PSMA6: variants seen among roughly 807,000 people sequenced by gnomAD.
The protein encoded by PSMA6 is proteasome subunit alpha type-6.
For synonymous variants in PSMA6, 88 were observed against 97.7 expected, an observed-to-expected ratio of 0.90 and a Z score of 0.59; for missense variants, 170 against 294.8, an observed-to-expected ratio of 0.58 and a Z score of 3.10.
At chr14:35,311,743 TGTA>T (rs1291817303) in intron 4 of PSMA6, among the ~76,000 whole-genome samples, 1 of 152,178 alleles carries the variant, frequency 6.6e-6, no homozygotes, top group Non-Finnish European at 1.5e-5. Flanking sequence ...ACATTAGAAT[TGTA>T]GTAACAAAGT....
At chr14:35,315,875 T>G (rs1184023088) in intron 6 of PSMA6, 1 of 152,188 alleles carries the variant, frequency 6.6e-6, no homozygotes, top group Non-Finnish European at 1.5e-5. Context: ...CAAAAAACTT[T>G]GTATCATTTA....
intron 1 of PSMA6, among the ~76,000 whole-genome samples, chr14:35,298,436 G>A (rs1414943700): frequency 6.6e-6 from 1 of 151,900 alleles, no homozygotes; most frequent in African/African-American, 2.4e-5. Flanking sequence ...GTTGTAGTGA[G>A]CTGAGATCGC....
At chr14:35,309,329 G>T (rs182234242) in intron 3 of PSMA6, among the ~76,000 whole-genome samples, 1 of 152,132 alleles carries the variant, frequency 6.6e-6, no homozygotes, top group Admixed American at 6.5e-5. Flanking sequence ...TAATGGCATC[G>T]GTTAGAAGTG....
chr14:35,285,322 A>G (rs2051408761), intron 1 of PSMA6, among the ~76,000 whole-genome samples: 1 of 145,786 alleles, frequency 6.9e-6, no homozygotes, highest in African/African-American at 2.6e-5. Flanking sequence ...CCAGAGTGAC[A>G]GAGCAAAACT....
intron 1 of PSMA6, among the ~76,000 whole-genome samples, chr14:35,304,056 T>C (rs1276180097): frequency 2.0e-5 from 3 of 152,018 alleles, no homozygotes; most frequent in Non-Finnish European, 4.4e-5. Flanking sequence ...CACTGCAACC[T>C]CCACCTCCCA....
At chr14:35,290,531 A>G (rs2051466349), upstream of PSMA6, among the ~76,000 whole-genome samples, 1 of 152,236 alleles carries the variant, frequency 6.6e-6, no homozygotes, top group Non-Finnish European at 1.5e-5. Flanking sequence ...TAAAATAGAA[A>G]TTAATTTTTA....
chr14:35,310,489 ATTTTGACT>A (rs2051923227), intron 3 of PSMA6, among the ~76,000 whole-genome samples: 1 of 152,202 alleles, frequency 6.6e-6, no homozygotes, highest in Non-Finnish European at 1.5e-5. Context: ...TGCAGAAACT[ATTTTGACT>A]GCTGATGAAA....
intron 4 of PSMA6, among the ~76,000 whole-genome samples, chr14:35,312,246 C>T (rs1324301937): frequency 6.6e-6 from 1 of 151,246 alleles, no homozygotes; most frequent in African/African-American, 2.4e-5. Flanking sequence ...GTGGCTCACG[C>T]CTGTAATCCC....
intron 1 of PSMA6, among the ~76,000 whole-genome samples, chr14:35,303,518 A>G (rs1191130520): frequency 1.3e-5 from 2 of 152,140 alleles, no homozygotes; most frequent in South Asian, 2.1e-4. Context: ...GGGAAACTCA[A>G]CTCATGCCAT....
intron 1 of PSMA6, chr14:35,293,010 C>T (rs1356422343): frequency 2.2e-6 from 1 of 458,008 alleles, no homozygotes; most frequent in Non-Finnish European, 4.4e-6. Context: ...ATACCAGACA[C>T]TGCTAGTCCT....
At chr14:35,300,748 C>T (rs547138885) in intron 1 of PSMA6, among the ~76,000 whole-genome samples, 13 of 152,202 alleles carry the variant, frequency 8.5e-5, no homozygotes, top group African/African-American at 2.2e-4. Context: ...GCACTTTCCC[C>T]GCTCTTCTAG....
At chr14:35,292,360 G>A (rs2051498580), upstream of PSMA6, 2 of 1,529,674 alleles carry the variant, frequency 1.3e-6, no homozygotes, top group African/African-American at 1.4e-5. Flanking sequence ...TGCAAGAGCG[G>A]AAGAAACGCG....
chr14:35,283,413 G>C (rs2051389115), intron 1 of PSMA6, among the ~76,000 whole-genome samples: 1 of 151,500 alleles, frequency 6.6e-6, no homozygotes, highest in African/African-American at 2.4e-5. Flanking sequence ...GGAGGAAAAT[G>C]TCTGGAAGGA....
intron 1 of PSMA6, among the ~76,000 whole-genome samples, chr14:35,304,771 A>T (rs1256162000): frequency 6.6e-6 from 1 of 151,944 alleles, no homozygotes; most frequent in Non-Finnish European, 1.5e-5. Context: ...GGATGGTAAA[A>T]TTTTGCTATT....
chr14:35,294,711 T>A (rs1392844808), intron 1 of PSMA6, among the ~76,000 whole-genome samples: 1 of 152,194 alleles, frequency 6.6e-6, no homozygotes, highest in Non-Finnish European at 1.5e-5. Flanking sequence ...CCCCCCTTTT[T>A]TTTTTGGTCT....
At chr14:35,312,199 T>TAA (rs35606504) in intron 4 of PSMA6, among the ~76,000 whole-genome samples, 1 of 97,414 alleles carries the variant, frequency 1.0e-5, no homozygotes, top group Non-Finnish European at 2.0e-5. Context: ...CCTCGTCTCC[T>TAA]AAAAAAAAAA....
At chr14:35,302,862 T>C (rs1200300387) in intron 1 of PSMA6, among the ~76,000 whole-genome samples, 1 of 152,226 alleles carries the variant, frequency 6.6e-6, no homozygotes, top group Non-Finnish European at 1.5e-5. Flanking sequence ...TTTTGCTTCT[T>C]TCATTTTTTC....
upstream of PSMA6, chr14:35,278,593 C>T: frequency 1.7e-6 from 2 of 1,179,484 alleles, no homozygotes; most frequent in South Asian, 1.3e-5. Context: ...CAGTGGAATT[C>T]CCTGACGATT....
intron 3 of PSMA6, among the ~76,000 whole-genome samples, chr14:35,309,608 G>A (rs563366315): frequency 3.9e-5 from 6 of 152,230 alleles, no homozygotes; most frequent in South Asian, 4.2e-4. Context: ...CCTGGCCAGC[G>A]TGGTGAAACT....
Sources: gnomAD v4.1 joint callset for allele counts (sites outside exome capture counted in the v4.1 genomes callset) on GRCh38, gnomAD v4.1.1 for gene constraint, MANE v1.5 for transcripts, NCBI Gene and HGNC (gene_info 2026-07-23, HGNC 2026-07-21) for gene names.